OPCML: variants seen among roughly 807,000 people sequenced by gnomAD.
The protein encoded by OPCML is opioid-binding protein/cell adhesion molecule.
In OPCML, 13 loss-of-function variants were observed where a neutral mutation model predicts 37.8. The ratio of observed to expected loss-of-function variants is 0.34; its 90% CI spans 0.22 to 0.55. The LOEUF is 0.55. OPCML is among the 20% of genes least tolerant of loss of function. The pLI is 0.91. For missense variants in OPCML, 341 were observed against 435.6 expected, an observed-to-expected ratio of 0.78 and a Z score of 1.93; for synonymous variants, 176 against 168.8, an observed-to-expected ratio of 1.04 and a Z score of -0.33.
intron 3 of OPCML, among the ~76,000 whole-genome samples, chr11:132,592,893 G>A (rs557291534): frequency 7.9e-5 from 12 of 152,276 alleles, no homozygotes; most frequent in African/African-American, 2.6e-4. Context: ...AACAGTTACT[G>A]ATTTTCCATT....
At chr11:133,241,269 T>C (rs1053000729) in intron 1 of OPCML, among the ~76,000 whole-genome samples, 1 of 152,230 alleles carries the variant, frequency 6.6e-6, no homozygotes, top group East Asian at 1.9e-4. Flanking sequence ...CTATTTTCTA[T>C]CACTTCCACA....
chr11:133,273,268 G>C lies in OPCML; in HGVS notation c.61+258996C>G, dbSNP rs112562520. ...GGTTATGAGGGAAGAAAATGTCCTAGGAGCAAGGTGGGAAGTGTACCAGGC... is the reference window on the plus strand; with the variant it reads ...GGTTATGAGGGAAGAAAATGTCCTACGAGCAAGGTGGGAAGTGTACCAGGC... On this transcript the variant is annotated intron_variant, in intron 1 of 7. Transcript: ENST00000524381. Among the ~76,000 whole-genome samples the C allele has an allele frequency of 1.4e-3, 209 of 152,266 alleles. 1 individual carries two copies. The highest frequency in any genetic ancestry group is 4.8e-3 in the African/African-American group (198 of 41,566).
chr11:132,932,691 TTATATA>T (rs3077742), intron 2 of OPCML, among the ~76,000 whole-genome samples: 3,000 of 143,632 alleles, frequency 0.021, 28 homozygotes, highest in Non-Finnish European at 0.024. Flanking sequence ...TATATATATA[TTATATA>T]TATATATATA....
chr11:132,999,824 C>T (rs779335151), intron 1 of OPCML, among the ~76,000 whole-genome samples: 5 of 152,160 alleles, frequency 3.3e-5, no homozygotes, highest in South Asian at 2.1e-4. Context: ...TGTGGAAAGG[C>T]GACAGGGGTC....
rs370786346 is a variant in OPCML at position 132,963,348 on chromosome 11, T to C, written c.62-20338A>G. On this transcript the variant is annotated intron_variant, in intron 1 of 7. Coordinates refer to ENST00000524381, the MANE Select transcript of OPCML (RefSeq NM_001012393.5). ...GGCTCACGCCTGTAATCCCAGCACTTTGGGAGTTCGAGGTGGGCGGATCAC... is the reference window on the plus strand; with the variant it reads ...GGCTCACGCCTGTAATCCCAGCACTCTGGGAGTTCGAGGTGGGCGGATCAC... 7.9e-5 allele frequency among the ~76,000 whole-genome samples: 12 copies of C among 152,052 alleles called. No individual in the cohort carries two copies. In the South Asian group the frequency reaches 2.5e-3, roughly 32 times the overall value.
chr11:132,468,608 C>T (rs2096126547), intron 4 of OPCML, among the ~76,000 whole-genome samples: 1 of 152,142 alleles, frequency 6.6e-6, no homozygotes, highest in African/African-American at 2.4e-5. Context: ...TTTCAGAAAA[C>T]ATCCCAAGTA....
chr11:132,994,944 A>C (rs1946854663), intron 1 of OPCML, among the ~76,000 whole-genome samples: 1 of 152,230 alleles, frequency 6.6e-6, no homozygotes, highest in Admixed American at 6.5e-5. Context: ...CCCATGTGTC[A>C]GCTGAGAAAA....
intron 2 of OPCML, among the ~76,000 whole-genome samples, chr11:132,717,342 A>G (rs912722993): frequency 2.0e-4 from 30 of 152,232 alleles, no homozygotes; most frequent in African/African-American, 7.0e-4. Flanking sequence ...ACGTGGACTT[A>G]AAGAAGCATG....
intron 1 of OPCML, among the ~76,000 whole-genome samples, chr11:133,267,875 T>C (rs1941707729): frequency 6.6e-6 from 1 of 152,190 alleles, no homozygotes; most frequent in Non-Finnish European, 1.5e-5. Flanking sequence ...CCTCCTTACC[T>C]TCTGCATGGT....
chr11:133,319,426 C>T (rs1049188223), intron 1 of OPCML, among the ~76,000 whole-genome samples: 3 of 152,200 alleles, frequency 2.0e-5, no homozygotes, highest in African/African-American at 7.2e-5. Flanking sequence ...GAGGTCCCGA[C>T]AGGCTCAAAT....
chr11:132,984,973 TA>T (rs1358564678), intron 1 of OPCML, among the ~76,000 whole-genome samples: 4 of 151,968 alleles, frequency 2.6e-5, no homozygotes, highest in Admixed American at 1.3e-4. Flanking sequence ...TGTTCCCCCG[TA>T]GAACACCTGC....
intron 2 of OPCML, among the ~76,000 whole-genome samples, chr11:132,724,425 A>G (rs1218241517): frequency 6.6e-6 from 1 of 152,196 alleles, no homozygotes; most frequent in Non-Finnish European, 1.5e-5. Flanking sequence ...AATCACGAGA[A>G]CAGCATGGGA....
rs558940703 is a variant in OPCML at position 132,565,633 on chromosome 11, C to T, written c.380-36447G>A. Among the ~76,000 whole-genome samples, 15 of 152,356 alleles carry T rather than the reference C, an allele frequency of 9.8e-5. No homozygotes were observed. The South Asian group carries it at 3.1e-3, about 32-fold the overall frequency. ...TGCGACTGACAGTTCTCAATGCTTA[C>T]AAGAAGCTCTCTTTGCATTTAGTTC... is the stretch of plus-strand genomic sequence containing the variant. On this transcript the variant is annotated intron_variant, in intron 3 of 7. Transcript: ENST00000524381.
At chr11:133,313,894 C>T (rs1943126942) in intron 1 of OPCML, among the ~76,000 whole-genome samples, 1 of 152,108 alleles carries the variant, frequency 6.6e-6, no homozygotes, top group Non-Finnish European at 1.5e-5. Flanking sequence ...TATAATGGTA[C>T]AGAGAGAACT....
intron 2 of OPCML, among the ~76,000 whole-genome samples, chr11:132,769,147 G>A (rs1463323457): frequency 6.6e-6 from 1 of 151,882 alleles, no homozygotes; most frequent in Non-Finnish European, 1.5e-5. Flanking sequence ...TGGGGGTATT[G>A]GGTTTGCCCA....
intron 1 of OPCML, among the ~76,000 whole-genome samples, chr11:133,239,447 A>G (rs1592133122): frequency 6.6e-6 from 1 of 152,322 alleles, no homozygotes; most frequent in Admixed American, 6.5e-5. Flanking sequence ...AGTGGAGTAG[A>G]GAGAAAAAGC....
At chr11:133,254,934 G>T (rs1941262042) in intron 1 of OPCML, among the ~76,000 whole-genome samples, 1 of 152,138 alleles carries the variant, frequency 6.6e-6, no homozygotes, top group South Asian at 2.1e-4. Context: ...GAAGAATCGG[G>T]CAAACAGACC....
chr11:132,436,897 A>G, intron 5 of OPCML, 118 bp from the exon 6 acceptor site: 1 of 1,478,024 alleles, frequency 6.8e-7, no homozygotes, highest in Non-Finnish European at 9.0e-7. Context: ...ATTTCTTGTG[A>G]CAACCCTCTT....
At chr11:132,721,580 T>G (rs1944671239) in intron 2 of OPCML, among the ~76,000 whole-genome samples, 1 of 152,000 alleles carries the variant, frequency 6.6e-6, no homozygotes, top group African/African-American at 2.4e-5. Context: ...AGCAGAGAAG[T>G]GTTACGATTC....
Sources: allele counts gnomAD v4.1 joint callset (sites outside exome capture counted in the v4.1 genomes callset), GRCh38; gene constraint gnomAD v4.1.1; transcripts MANE v1.5; gene names NCBI Gene and HGNC (gene_info 2026-07-23, HGNC 2026-07-21).